Variants in SLC9A9 observed in about 807,000 individuals in gnomAD.
SLC9A9 encodes the protein solute carrier family 9 member A9.
A neutral mutation model predicts 77.8 loss-of-function variants in SLC9A9; 62 were observed. That is an observed-to-expected ratio of 0.80 (90% CI 0.65 to 0.98). The LOEUF is 0.98. Ranked by LOEUF, SLC9A9 falls within the 50% of genes least tolerant of loss-of-function variation. The pLI, the probability that SLC9A9 is intolerant of heterozygous loss-of-function variation, is 0.00. For missense variants in SLC9A9, 775 were observed against 774.9 expected (o/e 1.00, Z 0.00); for synonymous variants, 320 against 283.5 (o/e 1.13, Z -1.29).
chr3:143,722,897 T>A (rs1261043777), intron 4 of SLC9A9, among the ~76,000 whole-genome samples: 1 of 152,224 alleles, frequency 6.6e-6, no homozygotes, highest in African/African-American at 2.4e-5. Context: ...AACTTGGCTG[T>A]CTCCTAAGTC....
intron 12 of SLC9A9, among the ~76,000 whole-genome samples, chr3:143,409,038 C>A (rs1287930435): frequency 6.6e-6 from 1 of 152,180 alleles, no homozygotes; most frequent in East Asian, 1.9e-4. Context: ...ATCAGAAATA[C>A]CAGTTTTCTC....
At chr3:143,619,334 G>T (rs2038158906) in intron 6 of SLC9A9, among the ~76,000 whole-genome samples, 1 of 152,054 alleles carries the variant, frequency 6.6e-6, no homozygotes, top group Non-Finnish European at 1.5e-5. Context: ...GGAGAATAAA[G>T]AAAGAAAAAG....
chr3:143,365,749 T>C (rs2032884685), intron 13 of SLC9A9, among the ~76,000 whole-genome samples: 1 of 152,222 alleles, frequency 6.6e-6, no homozygotes, highest in Non-Finnish European at 1.5e-5. Context: ...AGCAAAGGTA[T>C]CAGATTTGCA....
At chr3:143,406,835 G>C (rs999705270) in intron 12 of SLC9A9, among the ~76,000 whole-genome samples, 1 of 151,928 alleles carries the variant, frequency 6.6e-6, no homozygotes, top group Non-Finnish European at 1.5e-5. Context: ...AGTTAGCCAG[G>C]CATGGTGGCG....
At position 143,357,837 on chromosome 3, in the gene SLC9A9, C is replaced by T. The variant is rs568117267; in HGVS notation, c.1604+5647G>A. Among the ~76,000 whole-genome samples the T allele has an allele frequency of 8.5e-5, 13 of 152,166 alleles. No homozygotes were observed. The South Asian group carries it at 1.0e-3, about 12-fold the overall frequency. On this transcript the variant is annotated intron_variant, in intron 14 of 15. Transcript: ENST00000316549. ...ACTCAAGTCAATCACAAGGCCACAG[C>T]GAACTACCCCAATAAATGATTCATG...
rs144076829 is a variant in SLC9A9, at chr3:143,566,050, T to C, written c.1000+8038A>G. On this transcript the variant is annotated intron_variant, in intron 8 of 15. Transcript: ENST00000316549. ...AGTTTGAAAACAATTTTTGCCCAAGTGAGAAATGATGAGATGAGAAGTAAT... is the reference window on the plus strand; with the variant it reads ...AGTTTGAAAACAATTTTTGCCCAAGCGAGAAATGATGAGATGAGAAGTAAT... Among the ~76,000 whole-genome samples, 3 of 152,238 alleles carry C rather than the reference T, an allele frequency of 2.0e-5. No homozygotes were observed. The East Asian group carries it at 5.8e-4, about 29-fold the overall frequency.
chr3:143,656,338 T>C (rs1488143048), intron 5 of SLC9A9, among the ~76,000 whole-genome samples: 1 of 152,108 alleles, frequency 6.6e-6, no homozygotes, highest in Non-Finnish European at 1.5e-5. Context: ...TAATCCTTTT[T>C]CATCTCAAAG....
chr3:143,460,850 C>T (rs2035177942), intron 12 of SLC9A9, among the ~76,000 whole-genome samples: 2 of 152,036 alleles, frequency 1.3e-5, no homozygotes, highest in Admixed American at 6.6e-5. Context: ...TCTAATGTAA[C>T]AAGTCAAACT....
intron 11 of SLC9A9, among the ~76,000 whole-genome samples, chr3:143,483,347 G>C (rs375652526): frequency 6.6e-6 from 1 of 152,142 alleles, no homozygotes; most frequent in South Asian, 2.1e-4. Context: ...TGAACAATGT[G>C]AGCTTTACTC....
intron 9 of SLC9A9, among the ~76,000 whole-genome samples, chr3:143,534,719 G>T (rs1671660649): frequency 6.6e-6 from 1 of 152,166 alleles, no homozygotes; most frequent in African/African-American, 2.4e-5. Flanking sequence ...TGACCCAAGT[G>T]GGTGCTAGGC....
At chr3:143,770,984 A>T (rs987027928) in intron 4 of SLC9A9, among the ~76,000 whole-genome samples, 1 of 152,168 alleles carries the variant, frequency 6.6e-6, no homozygotes, top group Admixed American at 6.5e-5. Context: ...TGTAACAAAC[A>T]TGCACATTCA....
chr3:143,835,340 T>C (rs1029205553), intron 1 of SLC9A9, among the ~76,000 whole-genome samples: 1 of 152,144 alleles, frequency 6.6e-6, no homozygotes, highest in Non-Finnish European at 1.5e-5. Flanking sequence ...AGAAACAACA[T>C]CTTGCTAGAT....
chr3:143,338,754 C>CA (rs1375806293), intron 14 of SLC9A9, among the ~76,000 whole-genome samples: 1 of 151,988 alleles, frequency 6.6e-6, no homozygotes, highest in Non-Finnish European at 1.5e-5. Flanking sequence ...AAAAGTATTA[C>CA]CAGAGTTATG....
chr3:143,357,031 C>T (rs552202924), intron 14 of SLC9A9, among the ~76,000 whole-genome samples: 1 of 152,316 alleles, frequency 6.6e-6, no homozygotes, highest in East Asian at 1.9e-4. Flanking sequence ...CAGCCAGCTT[C>T]CCAGGAGAAG....
chr3:143,532,477 A>C (rs552891207), intron 9 of SLC9A9, among the ~76,000 whole-genome samples: 1 of 152,342 alleles, frequency 6.6e-6, no homozygotes, highest in African/African-American at 2.4e-5. Flanking sequence ...ATATCAATGG[A>C]TATATACTTC....
At chr3:143,491,930 TTACC>T (rs1227881788) in intron 11 of SLC9A9, among the ~76,000 whole-genome samples, 1 of 152,190 alleles carries the variant, frequency 6.6e-6, no homozygotes, top group Non-Finnish European at 1.5e-5. Flanking sequence ...GTGCTCAAGT[TTACC>T]TTTTGCTTTC....
Position 143,419,203 on chromosome 3 carries a change from C to T in SLC9A9, c.1470-37089G>A, listed in dbSNP as rs115512943. On this transcript the variant is annotated intron_variant, in intron 12 of 15. Coordinates refer to ENST00000316549, the MANE Select transcript of SLC9A9 (RefSeq NM_173653.4). The stretch of plus-strand genomic sequence containing the variant: ...AACAAAGGCACAAGATGGTAATGAA[C>T]GCTGATACTTACAAAGCACTTACTA... Among the ~76,000 whole-genome samples, 1,139 of 152,272 alleles carry T rather than the reference C, an allele frequency of 7.5e-3. 9 individuals carry two copies. The highest frequency in any genetic ancestry group is 0.022 in the South Asian group (108 of 4,816).
intron 8 of SLC9A9, among the ~76,000 whole-genome samples, chr3:143,572,296 G>GGTGTGTGT (rs71629562): frequency 2.7e-5 from 4 of 148,686 alleles, no homozygotes; most frequent in Non-Finnish European, 4.5e-5. Context: ...CTTAGGCAAT[G>GGTGTGTGT]GTGTGTGTGT....
chr3:143,770,733 GA>G (rs1191232997), intron 4 of SLC9A9, among the ~76,000 whole-genome samples: 4 of 151,954 alleles, frequency 2.6e-5, no homozygotes, highest in African/African-American at 4.8e-5. Context: ...AAATATCACT[GA>G]AAAAAACTCT....
Sources: gnomAD v4.1 joint callset for allele counts (sites outside exome capture counted in the v4.1 genomes callset) on GRCh38, gnomAD v4.1.1 for gene constraint, MANE v1.5 for transcripts, NCBI Gene and HGNC (gene_info 2026-07-23, HGNC 2026-07-21) for gene names.